Variants in SYNPO2 observed in about 807,000 individuals in gnomAD.
The protein encoded by SYNPO2 is synaptopodin 2.
In SYNPO2, 56 loss-of-function variants were observed where a neutral mutation model predicts 85.0. The ratio of observed to expected loss-of-function variants is 0.66; its 90% CI spans 0.53 to 0.82. SYNPO2 has a LOEUF of 0.82. Ranked by LOEUF, SYNPO2 falls within the 40% of genes least tolerant of loss-of-function variation. The probability of loss-of-function intolerance (pLI) is 0.00; values close to 1 mark genes in which losing one functional copy is unlikely to be tolerated. For missense variants in SYNPO2, 1,575 were observed against 1,534.2 expected (o/e 1.03, Z -0.44); for synonymous variants, 602 against 591.1 (o/e 1.02, Z -0.27).
chr4:119,033,586 A>G, intron 4 of SYNPO2: 1 of 985,454 alleles, frequency 1.0e-6, no homozygotes, highest in Middle Eastern at 5.2e-4. Context: ...ATATGTTTAG[A>G]GACCTCTCAG....
intron 1 of SYNPO2, among the ~76,000 whole-genome samples, chr4:118,901,701 T>C (rs1306805298): frequency 6.6e-6 from 1 of 152,194 alleles, no homozygotes; most frequent in Non-Finnish European, 1.5e-5. Flanking sequence ...ACATAATATA[T>C]TGCAAAATAC....
chr4:119,026,107 C>T (rs1369409828), intron 2 of SYNPO2, among the ~76,000 whole-genome samples: 1 of 152,178 alleles, frequency 6.6e-6, no homozygotes, highest in Non-Finnish European at 1.5e-5. Flanking sequence ...GAAACACATG[C>T]TCACTGGGGC....
intron 1 of SYNPO2, among the ~76,000 whole-genome samples, chr4:118,963,050 T>C (rs1444256130): frequency 3.3e-5 from 5 of 152,178 alleles, no homozygotes; most frequent in Non-Finnish European, 7.4e-5. Flanking sequence ...TTCAAAGTAA[T>C]ATAGAGAATA....
intron 1 of SYNPO2, among the ~76,000 whole-genome samples, chr4:118,952,194 A>G (rs888236407): frequency 1.3e-5 from 2 of 152,228 alleles, no homozygotes; most frequent in African/African-American, 4.8e-5. Flanking sequence ...TGTGAAGATC[A>G]ATTACAGACG....
intron 1 of SYNPO2, among the ~76,000 whole-genome samples, chr4:118,918,229 A>G (rs1733418993): frequency 6.6e-6 from 1 of 152,148 alleles, no homozygotes; most frequent in African/African-American, 2.4e-5. Flanking sequence ...CCAAACTGAA[A>G]CCAGATGTCT....
intron 1 of SYNPO2, among the ~76,000 whole-genome samples, chr4:118,986,623 A>T (rs1228931888): frequency 6.6e-6 from 1 of 152,182 alleles, no homozygotes; most frequent in Non-Finnish European, 1.5e-5. Context: ...CACTATATCT[A>T]GTCTAGGATT....
intron 4 of SYNPO2, among the ~76,000 whole-genome samples, chr4:119,053,911 G>A (rs1214947067): frequency 3.3e-5 from 5 of 152,056 alleles, no homozygotes; most frequent in African/African-American, 7.2e-5. Flanking sequence ...GGGCCTCACC[G>A]AGATTTCTGT....
intron 1 of SYNPO2, among the ~76,000 whole-genome samples, chr4:118,875,210 G>A (rs62329302): frequency 0.15 from 22,795 of 152,018 alleles, 1,799 homozygotes; most frequent in East Asian, 0.21. Context: ...ATGGCTGCAT[G>A]GTATTCCATG....
chr4:119,024,336 G>A (rs1213872007), intron 2 of SYNPO2, among the ~76,000 whole-genome samples: 2 of 152,322 alleles, frequency 1.3e-5, no homozygotes, highest in East Asian at 3.9e-4. Flanking sequence ...GCATGATAAT[G>A]AATCCAGAAA....
rs78775968 is a variant in SYNPO2, at chr4:119,041,743, T to G, written c.3252+9716T>G. ...TATGATTTCCTTTATATACAGCACT[T>G]TAGTATGAGCAAACTATTCCCTTCG... is the stretch of plus-strand genomic sequence containing the variant. On this transcript the variant is annotated intron_variant, in intron 4 of 4. Coordinates refer to ENST00000307142, the MANE Select transcript of SYNPO2 (RefSeq NM_133477.3). Among the ~76,000 whole-genome samples the G allele has an allele frequency of 2.6e-5, 4 of 152,346 alleles. No homozygotes were observed. In the East Asian group the frequency reaches 7.7e-4, roughly 29 times the overall value.
intron 1 of SYNPO2, among the ~76,000 whole-genome samples, chr4:118,953,566 A>C (rs1433919701): frequency 1.3e-5 from 2 of 150,256 alleles, no homozygotes; most frequent in African/African-American, 4.9e-5. Context: ...AAAAGGAGAG[A>C]CTCTGGAGGA....
intron 1 of SYNPO2, among the ~76,000 whole-genome samples, chr4:119,019,092 G>GA (rs1234071059): frequency 1.3e-5 from 2 of 152,122 alleles, no homozygotes; most frequent in African/African-American, 4.8e-5. Context: ...GAGAAGAGCA[G>GA]AAAAGATAAC....
intron 1 of SYNPO2, among the ~76,000 whole-genome samples, chr4:119,007,218 A>G (rs868347814): frequency 1.4e-3 from 28 of 20,188 alleles, no homozygotes; most frequent in African/African-American, 5.0e-3. Flanking sequence ...GAACAAAGGT[A>G]TATATATATA....
At chr4:118,927,324 G>C (rs901142287) in intron 1 of SYNPO2, among the ~76,000 whole-genome samples, 2 of 152,032 alleles carry the variant, frequency 1.3e-5, no homozygotes, top group Non-Finnish European at 2.9e-5. Flanking sequence ...TGTAGCTGCT[G>C]AATTCTCTTT....
At chr4:118,945,998 C>A (rs975896806) in intron 1 of SYNPO2, among the ~76,000 whole-genome samples, 1 of 152,138 alleles carries the variant, frequency 6.6e-6, no homozygotes, top group Non-Finnish European at 1.5e-5. Flanking sequence ...CCCGCCTCGG[C>A]CTCCCGAAGT....
At chr4:118,972,293 A>C (rs1387967770) in intron 1 of SYNPO2, among the ~76,000 whole-genome samples, 3 of 152,016 alleles carry the variant, frequency 2.0e-5, no homozygotes, top group African/African-American at 7.3e-5. Flanking sequence ...AAGAAAGAAA[A>C]AATAGCCGGG....
intron 4 of SYNPO2, chr4:119,036,352 T>C: frequency 1.0e-6 from 1 of 985,460 alleles, no homozygotes; most frequent in Non-Finnish European, 1.2e-6. Context: ...ACCAACACTG[T>C]ATTCCCAGAA....
chr4:118,940,129 G>T (rs1392646759), intron 1 of SYNPO2, among the ~76,000 whole-genome samples: 1 of 151,798 alleles, frequency 6.6e-6, no homozygotes, highest in Non-Finnish European at 1.5e-5. Context: ...GGGACCACAG[G>T]TACACGCCAC....
intron 1 of SYNPO2, among the ~76,000 whole-genome samples, chr4:118,869,301 T>C (rs2017579): frequency 0.55 from 84,199 of 151,954 alleles, 26,621 homozygotes; most frequent in Admixed American, 0.69. Flanking sequence ...CAGGTGATCC[T>C]GCCTTGGCCT....
Sources: gnomAD v4.1 joint callset for allele counts (sites outside exome capture counted in the v4.1 genomes callset) on GRCh38, gnomAD v4.1.1 for gene constraint, MANE v1.5 for transcripts, NCBI Gene and HGNC (gene_info 2026-07-23, HGNC 2026-07-21) for gene names.